NECAB1: variants seen among roughly 807,000 people sequenced by gnomAD.
The protein encoded by NECAB1 is N-terminal EF-hand calcium-binding protein 1.
In NECAB1, 29 loss-of-function variants were observed where a neutral mutation model predicts 57.5. The observed-to-expected ratio is 0.50, with a 90% CI of 0.38 to 0.69. The LOEUF is 0.69. Ranked by LOEUF, NECAB1 falls within the 30% of genes least tolerant of loss-of-function variation. The probability of loss-of-function intolerance (pLI) is 0.00; values close to 1 mark genes in which losing one functional copy is unlikely to be tolerated. For missense variants in NECAB1, 372 were observed against 413.8 expected, an observed-to-expected ratio of 0.90 and a Z score of 0.88; for synonymous variants, 142 against 147.7, an observed-to-expected ratio of 0.96 and a Z score of 0.28.
intron 2 of NECAB1, among the ~76,000 whole-genome samples, chr8:90,814,393 A>G (rs1339883750): frequency 6.6e-6 from 1 of 152,108 alleles, no homozygotes; most frequent in Non-Finnish European, 1.5e-5. Flanking sequence ...ACCTCTTTTC[A>G]TACTTTACTC....
chr8:90,837,251 T>C lies in NECAB1; in HGVS notation c.233+12426T>C, dbSNP rs549772332. 7.0e-4 allele frequency among the ~76,000 whole-genome samples: 107 copies of C among 152,328 alleles called. No individual in the cohort carries two copies. The South Asian group carries it at 9.3e-3, about 13-fold the overall frequency. On this transcript the variant is annotated intron_variant, in intron 3 of 12. Transcript: ENST00000417640. ...GGCAGTAAAATCCCATTACAGTACA[T>C]TTATCTGCCAGGGATAAGTTCCAAG...
chr8:90,836,577 C>T (rs558530143), intron 3 of NECAB1, among the ~76,000 whole-genome samples: 62 of 152,304 alleles, frequency 4.1e-4, no homozygotes, highest in African/African-American at 1.4e-3. Flanking sequence ...AATCTTCCAC[C>T]ATCCTCATTG....
chr8:90,906,899 A>ATATATGTATGTATATATATATATATG (rs1563528345), intron 5 of NECAB1, among the ~76,000 whole-genome samples: 11 of 140,556 alleles, frequency 7.8e-5, no homozygotes, highest in Admixed American at 7.8e-4. Flanking sequence ...ATATATATAT[A>ATATATGTATGTATATATATATATATG]TATATATATA....
rs796510393 is a variant in NECAB1, at chr8:90,945,637, A to G, written c.861-4170A>G. On this transcript the variant is annotated intron_variant, in intron 10 of 12. Transcript: ENST00000417640. ...TTGTGATTTAAGGTAGGACATGCAC[A>G]TGGGGAAGGAAGAAGCCAAGAGGGA... 2.0e-5 allele frequency among the ~76,000 whole-genome samples: 3 copies of G among 152,184 alleles called. No homozygotes were observed. The South Asian group carries it at 6.2e-4, about 31-fold the overall frequency.
chr8:90,817,998 G>T (rs771895700), intron 2 of NECAB1, among the ~76,000 whole-genome samples: 167 of 151,816 alleles, frequency 1.1e-3, no homozygotes, highest in Non-Finnish European at 2.0e-3. Context: ...AATCTACGGA[G>T]ATTAACTATT....
intron 3 of NECAB1, among the ~76,000 whole-genome samples, chr8:90,830,650 G>T (rs1812286849): frequency 6.6e-6 from 1 of 152,058 alleles, no homozygotes; most frequent in Admixed American, 6.6e-5. Flanking sequence ...ATGAACCGAG[G>T]CTTGGCTGTG....
Position 90,958,888 on chromosome 8 carries a change from C to G in NECAB1, c.*3376C>G, listed in dbSNP as rs1159585052. The G allele has an allele frequency of 1.6e-6, 1 of 617,986 alleles. No individual in the cohort carries two copies. The highest frequency in any genetic ancestry group is 2.0e-5 in the African/African-American group (1 of 50,430). 38.3% of individuals were successfully genotyped at this position (617,986 alleles called of 1,614,324 possible). ...AGCTCTTTCTCATTTTTAGAGAAGTCAAATAGCCAACCATCAAAATTAAGA... is the reference window on the plus strand; with the variant it reads ...AGCTCTTTCTCATTTTTAGAGAAGTGAAATAGCCAACCATCAAAATTAAGA... On this transcript the variant is annotated 3_prime_UTR_variant, in exon 13 of 13. Transcript: ENST00000417640.
chr8:90,947,767 G>A (rs779814637), intron 10 of NECAB1, among the ~76,000 whole-genome samples: 29 of 152,214 alleles, frequency 1.9e-4, no homozygotes, highest in Non-Finnish European at 2.9e-5. Context: ...AACCGAGGTT[G>A]AGTATTGGAA....
intron 2 of NECAB1, among the ~76,000 whole-genome samples, chr8:90,816,580 T>A (rs1035512430): frequency 6.6e-6 from 1 of 151,892 alleles, no homozygotes; most frequent in Non-Finnish European, 1.5e-5. Flanking sequence ...GTTGAAAAGA[T>A]GATCTATCCT....
intron 7 of NECAB1, 139 bp from the exon 8 acceptor site, chr8:90,928,084 G>A (rs768075979): frequency 7.8e-5 from 51 of 652,056 alleles, no homozygotes; most frequent in African/African-American, 1.9e-4. Context: ...GAAAGCACTC[G>A]TGAATACATT....
chr8:90,799,256 C>T (rs1175438484), intron 1 of NECAB1, among the ~76,000 whole-genome samples: 1 of 152,034 alleles, frequency 6.6e-6, no homozygotes, highest in Non-Finnish European at 1.5e-5. Flanking sequence ...TCTCTGTTTA[C>T]TCTGTTGATA....
intron 6 of NECAB1, among the ~76,000 whole-genome samples, chr8:90,923,464 G>A (rs1810179997): frequency 6.6e-6 from 1 of 152,194 alleles, no homozygotes; most frequent in Non-Finnish European, 1.5e-5. Context: ...CAATGGTCAA[G>A]GTTCCCTGAA....
In NECAB1 at chr8:90,948,823, C is replaced by T. The variant is rs1479441203; in HGVS notation, c.861-984C>T. Among the ~76,000 whole-genome samples, 3 of 152,262 alleles carry T rather than the reference C, an allele frequency of 2.0e-5. No homozygotes were observed. The East Asian group carries it at 5.8e-4, about 29-fold the overall frequency. On this transcript the variant is annotated intron_variant, in intron 10 of 12. Coordinates refer to ENST00000417640, the MANE Select transcript of NECAB1 (RefSeq NM_022351.5). ...ACTTTATAATACCCTCCATACAAAA[C>T]CCACTGTGCCATCGGAAGGATCTTT...
At chr8:90,923,083 G>A (rs1810168110) in intron 6 of NECAB1, among the ~76,000 whole-genome samples, 1 of 152,102 alleles carries the variant, frequency 6.6e-6, no homozygotes, top group Non-Finnish European at 1.5e-5. Flanking sequence ...CAATATATTT[G>A]GTATCACAGA....
intron 3 of NECAB1, among the ~76,000 whole-genome samples, chr8:90,827,984 T>C (rs187915244): frequency 2.6e-5 from 4 of 151,972 alleles, no homozygotes; most frequent in Admixed American, 2.0e-4. Context: ...TATTGCCCTC[T>C]TCACACAAAT....
intron 3 of NECAB1, among the ~76,000 whole-genome samples, chr8:90,854,875 T>C (rs1252162085): frequency 6.6e-6 from 1 of 152,210 alleles, no homozygotes; most frequent in Admixed American, 6.5e-5. Flanking sequence ...CAAATACTCC[T>C]TGGGGACACC....
intron 4 of NECAB1, among the ~76,000 whole-genome samples, chr8:90,876,360 T>C (rs1563513745): frequency 1.3e-5 from 2 of 152,126 alleles, no homozygotes; most frequent in Admixed American, 6.5e-5. Flanking sequence ...ATTCAGAACA[T>C]GCGGGTTTTA....
chr8:90,924,555 C>A (rs1810212207), intron 6 of NECAB1, among the ~76,000 whole-genome samples: 1 of 152,120 alleles, frequency 6.6e-6, no homozygotes, highest in African/African-American at 2.4e-5. Context: ...TTGTTGGAGG[C>A]AGCTTAAGTA....
intron 10 of NECAB1, among the ~76,000 whole-genome samples, chr8:90,942,928 A>C (rs920254213): frequency 1.3e-5 from 2 of 152,206 alleles, no homozygotes; most frequent in African/African-American, 2.4e-5. Context: ...CACCGTTCAC[A>C]GTGTAAACTT....
Sources: gnomAD v4.1 joint callset for allele counts (sites outside exome capture counted in the v4.1 genomes callset) on GRCh38, gnomAD v4.1.1 for gene constraint, MANE v1.5 for transcripts, NCBI Gene and HGNC (gene_info 2026-07-23, HGNC 2026-07-21) for gene names.